The following ZNF385B variants were observed in gnomAD, a reference collection of about 807,000 sequenced individuals.
The protein encoded by ZNF385B is zinc finger protein 385B, also known as zinc finger protein 533.
In ZNF385B, 23 loss-of-function variants were observed where a neutral mutation model predicts 39.2. That is an observed-to-expected ratio of 0.59 (90% CI 0.42 to 0.83). The LOEUF (loss-of-function observed/expected upper bound fraction) is 0.83. Ranked by LOEUF, ZNF385B falls within the 40% of genes least tolerant of loss-of-function variation. The probability of loss-of-function intolerance (pLI) is 0.00; values close to 1 mark genes in which losing one functional copy is unlikely to be tolerated. For synonymous variants in ZNF385B, 205 were observed against 222.6 expected (o/e 0.92, Z 0.70); for missense variants, 552 against 598.9 (o/e 0.92, Z 0.82).
intron 3 of ZNF385B, among the ~76,000 whole-genome samples, chr2:179,566,970 A>T (rs914742383): frequency 2.1e-4 from 29 of 140,450 alleles, no homozygotes; most frequent in Admixed American, 9.9e-4. Flanking sequence ...GCTGGAGTGC[A>T]GTGGTGCGAT....
At chr2:179,803,834 G>A (rs371428394) in intron 1 of ZNF385B, among the ~76,000 whole-genome samples, 5 of 152,056 alleles carry the variant, frequency 3.3e-5, no homozygotes, top group African/African-American at 1.2e-4. Flanking sequence ...AACTTAGTTG[G>A]GATCTTTCGA....
At chr2:179,451,830 T>G (rs2050186117) in intron 6 of ZNF385B, among the ~76,000 whole-genome samples, 1 of 152,146 alleles carries the variant, frequency 6.6e-6, no homozygotes, top group African/African-American at 2.4e-5. Context: ...TTGATATTTT[T>G]ATGAAAATCC....
intron 3 of ZNF385B, among the ~76,000 whole-genome samples, chr2:179,550,257 T>A (rs2060484816): frequency 6.7e-6 from 1 of 149,560 alleles, no homozygotes; most frequent in South Asian, 2.1e-4. Context: ...GAAGCAAAGT[T>A]CTTTCTCTAA....
chr2:179,482,806 C>A (rs1019730786), intron 6 of ZNF385B, among the ~76,000 whole-genome samples: 4 of 152,012 alleles, frequency 2.6e-5, no homozygotes, highest in Non-Finnish European at 1.5e-5. Flanking sequence ...AAAGTTCCCC[C>A]CTTTGGCTCC....
At chr2:179,492,793 G>A (rs558406878) in intron 5 of ZNF385B, among the ~76,000 whole-genome samples, 1 of 152,218 alleles carries the variant, frequency 6.6e-6, no homozygotes, top group Non-Finnish European at 1.5e-5. Flanking sequence ...ATATGTAAAT[G>A]TGAAGACTAA....
intron 5 of ZNF385B, among the ~76,000 whole-genome samples, chr2:179,496,186 GGC>G (rs2056182784): frequency 1.3e-5 from 2 of 152,070 alleles, no homozygotes; most frequent in Non-Finnish European, 2.9e-5. Flanking sequence ...AAATGCAACT[GGC>G]ATTCTGAAGA....
chr2:179,462,901 ATGTG>A (rs138439489), intron 6 of ZNF385B, among the ~76,000 whole-genome samples: 3 of 151,148 alleles, frequency 2.0e-5, no homozygotes, highest in Non-Finnish European at 4.4e-5. Flanking sequence ...TATTTAAAAG[ATGTG>A]TGTGTGTGTG....
At chr2:179,718,978 A>AT (rs902732932) in intron 3 of ZNF385B, among the ~76,000 whole-genome samples, 4 of 150,670 alleles carry the variant, frequency 2.7e-5, no homozygotes, top group Admixed American at 6.6e-5. Context: ...GTGTATATAT[A>AT]TTTTTTTTTT....
intron 3 of ZNF385B, among the ~76,000 whole-genome samples, chr2:179,673,302 G>A (rs62175162): frequency 0.086 from 13,086 of 152,078 alleles, 732 homozygotes; most frequent in East Asian, 0.16. Context: ...AAGCCCAGTG[G>A]AACATGAGCT....
chr2:179,628,450 T>C (rs1690876581), intron 3 of ZNF385B, among the ~76,000 whole-genome samples: 2 of 152,254 alleles, frequency 1.3e-5, no homozygotes, highest in African/African-American at 4.8e-5. Context: ...TCATGTGACA[T>C]CTTCCTCTTT....
At chr2:179,569,188 G>A (rs774409005) in intron 3 of ZNF385B, among the ~76,000 whole-genome samples, 4 of 152,108 alleles carry the variant, frequency 2.6e-5, no homozygotes, top group African/African-American at 7.2e-5. Context: ...TCAAACACAC[G>A]TAGTTTGGCT....
chr2:179,583,663 A>G (rs1349643660), intron 3 of ZNF385B, among the ~76,000 whole-genome samples: 2 of 152,250 alleles, frequency 1.3e-5, no homozygotes, highest in African/African-American at 4.8e-5. Flanking sequence ...GTTACTAGCA[A>G]TGGATACAAA....
At chr2:179,703,176 C>A (rs968647023) in intron 3 of ZNF385B, among the ~76,000 whole-genome samples, 2 of 152,224 alleles carry the variant, frequency 1.3e-5, no homozygotes, top group African/African-American at 4.8e-5. Flanking sequence ...TTCATCTACT[C>A]GCCCTCTAGT....
intron 1 of ZNF385B, among the ~76,000 whole-genome samples, chr2:179,810,387 A>C (rs10153833): frequency 0.4 from 61,156 of 151,646 alleles, 12,755 homozygotes; most frequent in Admixed American, 0.52. Context: ...TGTTGATTTT[A>C]CTAACAATCA....
intron 1 of ZNF385B, chr2:179,814,674 G>A (rs1192595912): frequency 7.9e-6 from 3 of 379,244 alleles, no homozygotes; most frequent in Non-Finnish European, 1.0e-5. Flanking sequence ...TCCAGATACT[G>A]AAGCGCCCTC....
chr2:179,851,688 G>C (rs539699135), intron 1 of ZNF385B, among the ~76,000 whole-genome samples: 2 of 152,132 alleles, frequency 1.3e-5, no homozygotes, highest in Non-Finnish European at 2.9e-5. Context: ...ATGACAAGAT[G>C]CTTCAAAATT....
At chr2:179,480,565 T>C (rs1470599844) in intron 6 of ZNF385B, among the ~76,000 whole-genome samples, 5 of 152,214 alleles carry the variant, frequency 3.3e-5, no homozygotes, top group Admixed American at 2.6e-4. Context: ...TTGGACCAGA[T>C]TTCCCATCTG....
chr2:179,536,143 G>A (rs1177608300), intron 4 of ZNF385B, among the ~76,000 whole-genome samples: 1 of 151,950 alleles, frequency 6.6e-6, no homozygotes, highest in Non-Finnish European at 1.5e-5. Flanking sequence ...GAGACATAAA[G>A]TTTTGGTCAC....
chr2:179,455,030 T>C (rs1278517314), intron 6 of ZNF385B, among the ~76,000 whole-genome samples: 2 of 152,246 alleles, frequency 1.3e-5, no homozygotes, highest in African/African-American at 4.8e-5. Context: ...AGGAATGTCC[T>C]GGGCCTTCAC....
Sources: allele counts gnomAD v4.1 joint callset (sites outside exome capture counted in the v4.1 genomes callset), GRCh38; gene constraint gnomAD v4.1.1; transcripts MANE v1.5; gene names NCBI Gene and HGNC (gene_info 2026-07-23, HGNC 2026-07-21).